Variants in GSTA4 observed in about 807,000 individuals in gnomAD.
GSTA4 encodes glutathione S-transferase A4.
A neutral mutation model predicts 24.4 loss-of-function variants in GSTA4; 15 were observed. The ratio of observed to expected loss-of-function variants is 0.61; its 90% confidence interval spans 0.41 to 0.95. The LOEUF (loss-of-function observed/expected upper bound fraction) is 0.95. Ranked by LOEUF, GSTA4 falls within the 40% of genes least tolerant of loss-of-function variation. GSTA4 has a pLI of 0.00. For missense variants in GSTA4, 244 were observed against 262.1 expected (o/e 0.93, Z 0.48); for synonymous variants, 92 against 94.2 (o/e 0.98, Z 0.13).
At chr6:52,992,834 T>G (rs570894850) in intron 2 of GSTA4, among the ~76,000 whole-genome samples, 2 of 152,224 alleles carry the variant, frequency 1.3e-5, no homozygotes, top group South Asian at 2.1e-4. Context: ...GGCGTGGTGG[T>G]TCACACCTGT....
At chr6:52,987,012 T>G (rs148947057) in intron 3 of GSTA4, among the ~76,000 whole-genome samples, 1 of 150,170 alleles carries the variant, frequency 6.7e-6, no homozygotes, top group Non-Finnish European at 1.5e-5. Context: ...ATGCCTCAGA[T>G]AGTGTGAAGG....
intron 2 of GSTA4, among the ~76,000 whole-genome samples, chr6:52,993,449 T>C (rs1366103629): frequency 3.9e-5 from 6 of 152,160 alleles, no homozygotes; most frequent in African/African-American, 1.4e-4. Flanking sequence ...ACAATCAGAC[T>C]GAAGGTTAGA....
chr6:52,993,938 G>A (rs1237039059), intron 2 of GSTA4: 3 of 645,868 alleles, frequency 4.6e-6, no homozygotes, highest in Non-Finnish European at 8.6e-6. Flanking sequence ...TAGATCAGAA[G>A]CCAATAATTA....
At chr6:52,989,713 A>G (rs1367010128) in intron 2 of GSTA4, among the ~76,000 whole-genome samples, 1 of 152,206 alleles carries the variant, frequency 6.6e-6, no homozygotes, top group Non-Finnish European at 1.5e-5. Flanking sequence ...AGATGGTCAG[A>G]TGTAGTGCAG....
intron 5 of GSTA4, among the ~76,000 whole-genome samples, chr6:52,983,634 G>T (rs959681244): frequency 6.6e-6 from 1 of 152,272 alleles, no homozygotes; most frequent in Middle Eastern, 3.4e-3. Context: ...CACCTCATAG[G>T]CGTGTTGCAA....
rs1763388145 is a variant in GSTA4 at position 52,978,529 on chromosome 6, T to C, written c.610A>G (p.Lys204Glu). The change falls in exon 7 of 7, where the codon AAG (lysine) becomes GAG (glutamate). Residue 204 changes from lysine (K) to glutamate (E), a missense_variant. Transcript: ENST00000370963. ...TAAATTTCATCAGGGGGAGGCTTCT[T>C]CTTGCTGCCAGGTTCAAGGAATCTC... ...IKRFLEPGSKKKPPPDEIYVR... is the reference protein window; with the variant it reads ...IKRFLEPGSKEKPPPDEIYVR... The C allele has an allele frequency of 6.2e-7, 1 of 1,612,594 alleles. No individual in the cohort carries two copies. The highest frequency in any genetic ancestry group is 1.1e-5 in the South Asian group (1 of 91,028).
At chr6:52,978,639 G>T (rs376648264) in intron 6 of GSTA4, 47 bp from the exon 7 acceptor site, 76 of 1,471,160 alleles carry the variant, frequency 5.2e-5, no homozygotes, top group Non-Finnish European at 6.1e-5. Flanking sequence ...AAAGGTATTA[G>T]ATACTACGAA....
At chr6:52,987,273 T>A in intron 3 of GSTA4, 84 bp downstream of exon 3, 1 of 826,680 alleles carries the variant, frequency 1.2e-6, no homozygotes, top group Non-Finnish European at 2.0e-6. Flanking sequence ...TTCAGTGTCA[T>A]TGAATACTTT....
chr6:52,982,481 C>G lies in GSTA4; in HGVS notation c.546+93G>C. ...ATCTTAAAAATATTACACATACACACACACACACACTCCCCAAAGCCAACC... is the reference window on the plus strand; with the variant it reads ...ATCTTAAAAATATTACACATACACAGACACACACACTCCCCAAAGCCAACC... On this transcript the variant is annotated intron_variant, in intron 6 of 6. Transcript: ENST00000370963. 4 of 844,554 alleles carry G rather than the reference C, an allele frequency of 4.7e-6. No individual in the cohort carries two copies. In the Admixed American group the frequency reaches 9.9e-5, roughly 21 times the overall value. 52.3% of individuals were successfully genotyped at this position (844,554 alleles called of 1,614,324 possible).
In GSTA4 at chr6:52,978,328, A is replaced by G. The variant is rs1763383668; in HGVS notation, c.*142T>C. Reference sequence around the variant, plus strand: ...AAGGTTGATATTTCTAGAAGAGATGATCTCGTTGACACAAAAGACCCAACT... The same window carrying G: ...AAGGTTGATATTTCTAGAAGAGATGGTCTCGTTGACACAAAAGACCCAACT... On this transcript the variant is annotated 3_prime_UTR_variant, in exon 7 of 7. Coordinates refer to ENST00000370963, the MANE Select transcript of GSTA4 (RefSeq NM_001512.4). 1 of 768,350 alleles carries G rather than the reference A, an allele frequency of 1.3e-6. No homozygotes were observed. Among genetic ancestry groups the G allele is most frequent in the African/African-American group, 1.8e-5 (1 of 54,990 alleles). 47.6% of individuals were successfully genotyped at this position (768,350 alleles called of 1,614,324 possible).
At chr6:52,989,200 C>T (rs1763619085) in intron 2 of GSTA4, among the ~76,000 whole-genome samples, 1 of 152,170 alleles carries the variant, frequency 6.6e-6, no homozygotes, top group Admixed American at 6.5e-5. Context: ...AAAGGGGAGG[C>T]ATGAATAATT....
chr6:52,979,814 A>G (rs1028921907), intron 6 of GSTA4, among the ~76,000 whole-genome samples: 1 of 152,210 alleles, frequency 6.6e-6, no homozygotes, highest in African/African-American at 2.4e-5. Context: ...TAAATATGAC[A>G]ATTTTCTCTT....
At chr6:52,979,454 A>T (rs142832962) in intron 6 of GSTA4, among the ~76,000 whole-genome samples, 1 of 152,336 alleles carries the variant, frequency 6.6e-6, no homozygotes, top group African/African-American at 2.4e-5. Flanking sequence ...TCTGGCTCAG[A>T]TACCAGATAT....
chr6:52,987,550 A>G, intron 2 of GSTA4, 142 bp from the exon 3 acceptor site: 1 of 581,932 alleles, frequency 1.7e-6, no homozygotes, highest in Non-Finnish European at 3.0e-6. Context: ...ACAGAAAGAC[A>G]AAGACTGCAT....
chr6:52,985,374 G>C lies in GSTA4; in HGVS notation c.272+77C>G, dbSNP rs531218143. The C allele has an allele frequency of 3.8e-6, 5 of 1,315,908 alleles. No homozygotes were observed. The Admixed American group carries it at 1.1e-4, about 28-fold the overall frequency. The allele number at this position is 1,315,908 out of a possible 1,614,324, so 81.5% of individuals were successfully genotyped here. On this transcript the variant is annotated intron_variant, in intron 4 of 6. Coordinates refer to ENST00000370963, the MANE Select transcript of GSTA4 (RefSeq NM_001512.4). ...CTATGTAAGACATAAAGTAAATGTG[G>C]TGTGCTACAGAGGTTGCTAATCAGC...
intron 6 of GSTA4, among the ~76,000 whole-genome samples, chr6:52,979,990 A>G (rs1763418446): frequency 6.6e-6 from 1 of 152,184 alleles, no homozygotes; most frequent in South Asian, 2.1e-4. Context: ...CACAGGAATA[A>G]CCCTTTAAAT....
chr6:52,994,638 T>C lies in GSTA4; in HGVS notation c.-18-377A>G, dbSNP rs1268289595. ...AGGGGGTGGCAGGCGTTGAAGAGGG[T>C]AGCGAAGGAAAATCGCACAGCCACT... On this transcript the variant is annotated intron_variant, in intron 1 of 6. Transcript: ENST00000370963. 2.6e-5 allele frequency among the ~76,000 whole-genome samples: 4 copies of C among 152,198 alleles called. No individual in the cohort carries two copies. In the East Asian group the frequency reaches 7.7e-4, roughly 29 times the overall value.
At chr6:52,994,438 A>G (rs9474367) in intron 1 of GSTA4, 177 bp from the exon 2 acceptor site, 21,186 of 551,940 alleles carry the variant, frequency 0.038, 1,717 homozygotes, top group African/African-American at 0.24. Flanking sequence ...AAACATGGAG[A>G]AAAAAACCTT....
intron 3 of GSTA4, among the ~76,000 whole-genome samples, chr6:52,987,031 A>C (rs1310226230): frequency 6.6e-6 from 1 of 151,922 alleles, no homozygotes; most frequent in Non-Finnish European, 1.5e-5. Context: ...GGAAGTAGGG[A>C]AAGATGAGAA....
Sources: gnomAD v4.1 joint callset for allele counts (sites outside exome capture counted in the v4.1 genomes callset) on GRCh38, gnomAD v4.1.1 for gene constraint, MANE v1.5 for transcripts, NCBI Gene and HGNC (gene_info 2026-07-23, HGNC 2026-07-21) for gene names.